Variants in GFRA1 observed in about 807,000 individuals in gnomAD.
GFRA1 encodes the protein GDNF family receptor alpha 1.
In GFRA1, 16 loss-of-function variants were observed where a neutral mutation model predicts 51.6. That is an observed-to-expected ratio of 0.31 (90% confidence interval 0.21 to 0.47). The LOEUF (loss-of-function observed/expected upper bound fraction) is 0.47, where lower values mean the gene tolerates loss of function less well. GFRA1 is among the 20% of genes least tolerant of loss of function. The pLI is 1.00. For synonymous variants in GFRA1, 270 were observed against 241.3 expected (o/e 1.12, Z -1.10); for missense variants, 530 against 594.3 (o/e 0.89, Z 1.13).
rs963868896 is a variant in GFRA1, at chr10:116,220,003, A to C, written c.419-8358T>G. ...ATCTCTAAGGTCCCTTCCAGTTCTA[A>C]AGCACGATGTTTTTAAGTTTAAAAT... On this transcript the variant is annotated intron_variant, in intron 4 of 10. Coordinates refer to ENST00000355422, the MANE Select transcript of GFRA1 (RefSeq NM_005264.8). Among the ~76,000 whole-genome samples, 10 of 152,234 alleles carry C rather than the reference A, an allele frequency of 6.6e-5. No individual in the cohort carries two copies. The South Asian group carries it at 1.5e-3, about 22-fold the overall frequency.
chr10:116,185,535 CT>C (rs1962625610), intron 5 of GFRA1, among the ~76,000 whole-genome samples: 1 of 152,200 alleles, frequency 6.6e-6, no homozygotes, highest in Non-Finnish European at 1.5e-5. Flanking sequence ...CCACTCCCCA[CT>C]GAGGCCAGGT....
chr10:116,208,297 T>A (rs1223602436), intron 5 of GFRA1, among the ~76,000 whole-genome samples: 1 of 152,054 alleles, frequency 6.6e-6, no homozygotes, highest in African/African-American at 2.4e-5. Flanking sequence ...TCTTCATTCA[T>A]CCCTGTTTGA....
At chr10:116,115,545 A>T (rs149299043) in intron 6 of GFRA1, among the ~76,000 whole-genome samples, 1 of 152,222 alleles carries the variant, frequency 6.6e-6, no homozygotes, top group East Asian at 1.9e-4. Flanking sequence ...ATGCTAATTA[A>T]ACACAGGACA....
rs553120038 is a variant in GFRA1 at position 116,197,746 on chromosome 10, G to A, written c.433+13885C>T. Among the ~76,000 whole-genome samples, 5 of 152,234 alleles carry A rather than the reference G, an allele frequency of 3.3e-5. No individual in the cohort carries two copies. In the East Asian group the frequency reaches 5.8e-4, roughly 18 times the overall value. On this transcript the variant is annotated intron_variant, in intron 5 of 10. Coordinates refer to ENST00000355422, the MANE Select transcript of GFRA1 (RefSeq NM_005264.8). ...AAACAGGGACATGGGGTAGAGTTTCGGGGCAGTGTGTTGAGGTTATACTTT... is the reference window on the plus strand; with the variant it reads ...AAACAGGGACATGGGGTAGAGTTTCAGGGCAGTGTGTTGAGGTTATACTTT...
intron 5 of GFRA1, among the ~76,000 whole-genome samples, chr10:116,137,973 T>C (rs1958402535): frequency 6.6e-6 from 1 of 152,108 alleles, no homozygotes; most frequent in Admixed American, 6.5e-5. Flanking sequence ...GGCTAATTTT[T>C]TGTATTTTTA....
At chr10:116,274,364 C>A (rs994194321), upstream of GFRA1, among the ~76,000 whole-genome samples, 1 of 152,200 alleles carries the variant, frequency 6.6e-6, no homozygotes, top group Non-Finnish European at 1.5e-5. Context: ...ATCTGCAAAC[C>A]TATCACGCCA....
chr10:116,197,301 C>G (rs1275375370), intron 5 of GFRA1, among the ~76,000 whole-genome samples: 1 of 152,108 alleles, frequency 6.6e-6, no homozygotes, highest in African/African-American at 2.4e-5. Context: ...CACATAAGGA[C>G]ACAGCTAGAA....
At chr10:116,096,873 ACG>A (rs1013578612) in intron 6 of GFRA1, 109 bp from the exon 7 acceptor site, 189 of 60,256 alleles carry the variant, frequency 3.1e-3, no homozygotes, top group South Asian at 0.011. Context: ...TTTTCTGCAC[ACG>A]CACACGCACA....
At chr10:116,233,099 G>C (rs1966783822) in intron 4 of GFRA1, among the ~76,000 whole-genome samples, 1 of 152,148 alleles carries the variant, frequency 6.6e-6, no homozygotes, top group Admixed American at 6.5e-5. Flanking sequence ...GGCCGAGGCA[G>C]GCAGATCACT....
chr10:116,111,938 G>C (rs1957229320), intron 6 of GFRA1, among the ~76,000 whole-genome samples: 1 of 152,188 alleles, frequency 6.6e-6, no homozygotes, highest in Non-Finnish European at 1.5e-5. Context: ...GCGCTCTGTG[G>C]GCACAGGCGC....
chr10:116,267,656 A>T (rs1021225286), intron 4 of GFRA1, among the ~76,000 whole-genome samples: 11 of 152,100 alleles, frequency 7.2e-5, no homozygotes, highest in Non-Finnish European at 1.6e-4. Flanking sequence ...GTCCCTCAAA[A>T]GCAGGATGAA....
intron 5 of GFRA1, among the ~76,000 whole-genome samples, chr10:116,176,023 C>T (rs564444015): frequency 6.6e-6 from 1 of 152,160 alleles, no homozygotes; most frequent in East Asian, 1.9e-4. Flanking sequence ...CCGCCACAAA[C>T]AATGCAGCAA....
At chr10:116,253,954 T>C (rs1427465208) in intron 4 of GFRA1, among the ~76,000 whole-genome samples, 3 of 152,126 alleles carry the variant, frequency 2.0e-5, no homozygotes, top group Admixed American at 1.3e-4. Flanking sequence ...TGGTTTCCTC[T>C]TATGCAAAAT....
rs144903899 is a variant in GFRA1, at chr10:116,270,632, A to G, written c.334+190T>C. 8.4e-3 allele frequency among the ~76,000 whole-genome samples: 1,284 copies of G among 152,190 alleles called. 12 individuals are homozygous for G. Among genetic ancestry groups the G allele is most frequent in the Non-Finnish European group, 0.014 (962 of 67,994 alleles). On this transcript the variant is annotated intron_variant, in intron 3 of 10. Coordinates refer to ENST00000355422, the MANE Select transcript of GFRA1 (RefSeq NM_005264.8). ...CCCCCGTCCTCCTCATGGGTTTTCCAACAACAGGCCCAACAATGCTGGTCA... is the reference window on the plus strand; with the variant it reads ...CCCCCGTCCTCCTCATGGGTTTTCCGACAACAGGCCCAACAATGCTGGTCA...
chr10:116,226,470 T>A (rs549164011), intron 4 of GFRA1, among the ~76,000 whole-genome samples: 7 of 152,216 alleles, frequency 4.6e-5, no homozygotes, highest in Admixed American at 2.6e-4. Context: ...CGGCTTTGCA[T>A]GTCATCCGTG....
intron 6 of GFRA1, among the ~76,000 whole-genome samples, chr10:116,100,710 T>C (rs1956785371): frequency 6.6e-6 from 1 of 152,158 alleles, no homozygotes; most frequent in South Asian, 2.1e-4. Flanking sequence ...GCTTCAGACC[T>C]ACTGTGTGCC....
rs546670063 is a variant in GFRA1, at chr10:116,058,450, G to A, written c.*5948C>T. 1.3e-5 allele frequency: 2 copies of A among 152,414 alleles called. No individual in the cohort carries two copies. The highest frequency in any genetic ancestry group is 2.1e-4 in the South Asian group (1 of 4,822). The allele number at this position is 152,414 out of a possible 1,614,324, so 9.4% of individuals were successfully genotyped here. A position where few individuals can be genotyped will look rare whatever the true frequency, so the allele number is the denominator to read the frequency against. Reference sequence around the variant, plus strand: ...AGCTCATGGCCCTCTGAGGCCCAGAGGAGTGGCTGCCCAAGTGCTCAGAGG... The same window carrying A: ...AGCTCATGGCCCTCTGAGGCCCAGAAGAGTGGCTGCCCAAGTGCTCAGAGG... On this transcript the variant is annotated 3_prime_UTR_variant, in exon 11 of 11. Transcript: ENST00000355422.
intron 4 of GFRA1, among the ~76,000 whole-genome samples, chr10:116,266,761 T>C (rs1355609297): frequency 6.6e-6 from 1 of 152,194 alleles, no homozygotes; most frequent in East Asian, 1.9e-4. Flanking sequence ...CCAATACTCA[T>C]AAATTCAGAC....
At chr10:116,206,288 T>G (rs1964749001) in intron 5 of GFRA1, among the ~76,000 whole-genome samples, 1 of 152,172 alleles carries the variant, frequency 6.6e-6, no homozygotes, top group Admixed American at 6.5e-5. Context: ...GCATAATTCA[T>G]GGCTAAGGGG....
Sources: gnomAD v4.1 joint callset for allele counts (sites outside exome capture counted in the v4.1 genomes callset) on GRCh38, gnomAD v4.1.1 for gene constraint, MANE v1.5 for transcripts, NCBI Gene and HGNC (gene_info 2026-07-23, HGNC 2026-07-21) for gene names.